The following PAX3 variants were observed in gnomAD, a reference collection of about 807,000 sequenced individuals.
PAX3 encodes paired box protein Pax-3.
In PAX3, 14 loss-of-function variants were observed where a neutral mutation model predicts 51.6. The observed-to-expected ratio is 0.27, with a 90% CI of 0.18 to 0.42. The LOEUF is 0.42. PAX3 is among the 10% of genes least tolerant of loss of function. The pLI, the probability that PAX3 is intolerant of heterozygous loss-of-function variation, is 1.00. For synonymous variants in PAX3, 280 were observed against 253.4 expected, an observed-to-expected ratio of 1.11 and a Z score of -1.00; for missense variants, 540 against 642.8, an observed-to-expected ratio of 0.84 and a Z score of 1.73.
intron 7 of PAX3, among the ~76,000 whole-genome samples, chr2:222,219,803 A>G (rs1392555991): frequency 7.9e-5 from 12 of 152,178 alleles, no homozygotes. Context: ...ACAAAAAAAC[A>G]AAACAAAAAA....
intron 4 of PAX3, among the ~76,000 whole-genome samples, chr2:222,257,221 C>T (rs1471159869): frequency 2.0e-5 from 3 of 147,160 alleles, no homozygotes; most frequent in Admixed American, 1.4e-4. Flanking sequence ...TTTTTTTTGA[C>T]CTTCAGATAA....
At chr2:222,248,509 C>T (rs1693310462) in intron 4 of PAX3, among the ~76,000 whole-genome samples, 1 of 152,232 alleles carries the variant, frequency 6.6e-6, no homozygotes, top group African/African-American at 2.4e-5. Flanking sequence ...CACACCGTGC[C>T]TTTCCTTGGT....
Position 222,232,085 on chromosome 2 carries a change from C to T in PAX3, c.785G>A (p.Arg262Gln), listed in dbSNP as rs1364517233. 6 of 1,613,662 alleles carry T rather than the reference C, an allele frequency of 3.7e-6. No homozygotes were observed. The African/African-American group carries it at 4.0e-5, about 11-fold the overall frequency. ...AGGTTTGGGCAACAGTACCTGTACTCGGGCCTCGGTGAGCTTCGCCCTCTG... is the reference window on the plus strand; with the variant it reads ...AGGTTTGGGCAACAGTACCTGTACTTGGGCCTCGGTGAGCTTCGCCCTCTG... ...LAQRAKLTEA[R>Q]VQVWFSNRRA... Residue 262 changes from arginine to glutamine, a missense_variant, in exon 5 of 9, where the codon CGA becomes CAA. By Grantham distance (43) the Arg-to-Gln change is conservative (BLOSUM62 1). Coordinates refer to ENST00000392070, the MANE Select transcript of PAX3 (RefSeq NM_181458.4).
chr2:222,255,782 CTTTT>C (rs71781283), intron 4 of PAX3, among the ~76,000 whole-genome samples: 3 of 136,530 alleles, frequency 2.2e-5, no homozygotes, highest in African/African-American at 2.7e-5. Context: ...CAATTATATT[CTTTT>C]TTTTTTTTTT....
At position 222,202,013 on chromosome 2, in the gene PAX3, G is replaced by A. The variant is rs1691311757; in HGVS notation, c.1351C>T (p.Pro451Ser). The change falls in exon 8 of 9, where the codon CCC becomes TCC. Residue 451 changes from proline to serine, a missense_variant. Coordinates refer to ENST00000392070, the MANE Select transcript of PAX3 (RefSeq NM_181458.4). ...CTGTAGCCTGTGGTGCTATAGGTGG[G>A]TGGACAGTAGGACTGAGATGTTGGC... is the stretch of plus-strand genomic sequence containing the variant. ...SLPTSQSYCP[P>S]TYSTTGYSMD... The A allele has an allele frequency of 6.2e-7, 1 of 1,614,042 alleles. No individual in the cohort carries two copies. Among genetic ancestry groups the A allele is most frequent in the African/African-American group, 1.3e-5 (1 of 75,034 alleles).
chr2:222,203,537 C>G (rs1691388308), intron 7 of PAX3, among the ~76,000 whole-genome samples: 1 of 152,020 alleles, frequency 6.6e-6, no homozygotes, highest in South Asian at 2.1e-4. Context: ...GACAACCAAG[C>G]CCTGACTATA....
At chr2:222,243,579 T>C (rs1471676636) in intron 4 of PAX3, among the ~76,000 whole-genome samples, 1 of 152,172 alleles carries the variant, frequency 6.6e-6, no homozygotes, top group Non-Finnish European at 1.5e-5. Flanking sequence ...AAATAGCCCA[T>C]CAAAGCTGAA....
chr2:222,207,692 C>G (rs1691564440), intron 7 of PAX3, among the ~76,000 whole-genome samples: 1 of 152,020 alleles, frequency 6.6e-6, no homozygotes, highest in Admixed American at 6.6e-5. Context: ...TTATTTTTAT[C>G]AATTATTTTG....
intron 4 of PAX3, among the ~76,000 whole-genome samples, chr2:222,291,697 C>G (rs1695044617): frequency 6.6e-6 from 1 of 152,154 alleles, no homozygotes; most frequent in African/African-American, 2.4e-5. Flanking sequence ...AGTTCCTCCT[C>G]CCTCAGCTTT....
At chr2:222,217,643 C>T (rs904138024) in intron 7 of PAX3, among the ~76,000 whole-genome samples, 2 of 151,802 alleles carry the variant, frequency 1.3e-5, no homozygotes, top group African/African-American at 4.8e-5. Flanking sequence ...TAACACTGTC[C>T]GTGTTATATG....
At chr2:222,271,975 T>C (rs1254477308) in intron 4 of PAX3, among the ~76,000 whole-genome samples, 1 of 152,200 alleles carries the variant, frequency 6.6e-6, no homozygotes, top group Non-Finnish European at 1.5e-5. Flanking sequence ...GAAAGCCTTG[T>C]CCAGATGCCT....
At chr2:222,254,410 C>A (rs1380429708) in intron 4 of PAX3, among the ~76,000 whole-genome samples, 2 of 152,036 alleles carry the variant, frequency 1.3e-5, no homozygotes, top group Non-Finnish European at 2.9e-5. Flanking sequence ...TTGTCCAGTG[C>A]ATCACACATA....
At chr2:222,297,343 C>T in intron 1 of PAX3, 130 bp from the exon 2 acceptor site, 1 of 731,286 alleles carries the variant, frequency 1.4e-6, no homozygotes, top group Non-Finnish European at 2.5e-6. Flanking sequence ...TGAAACTGCT[C>T]GACATCGGAC....
At chr2:222,282,979 T>A (rs570826326) in intron 4 of PAX3, among the ~76,000 whole-genome samples, 75 of 152,332 alleles carry the variant, frequency 4.9e-4, no homozygotes, top group African/African-American at 1.8e-3. Flanking sequence ...GCAAACACAC[T>A]CCTGCACCAT....
intron 4 of PAX3, among the ~76,000 whole-genome samples, chr2:222,238,210 C>T (rs531070897): frequency 6.6e-6 from 1 of 152,292 alleles, no homozygotes; most frequent in South Asian, 2.1e-4. Flanking sequence ...AAAAGTATTA[C>T]CACCAGCGGG....
intron 4 of PAX3, among the ~76,000 whole-genome samples, chr2:222,255,174 T>C (rs753772853): frequency 7.9e-5 from 12 of 152,218 alleles, no homozygotes; most frequent in Non-Finnish European, 1.5e-4. Flanking sequence ...CATTCATTTA[T>C]AGATTTCACT....
At chr2:222,256,266 CA>C (rs1693641244) in intron 4 of PAX3, among the ~76,000 whole-genome samples, 1 of 152,100 alleles carries the variant, frequency 6.6e-6, no homozygotes, top group African/African-American at 2.4e-5. Flanking sequence ...TCAGAATTTG[CA>C]GGAAGATTTT....
At position 222,214,283 on chromosome 2, in the gene PAX3, A is replaced by G. The variant is rs574654057; in HGVS notation, c.1173+5857T>C. ...CAAAAGGAACTGTGCTGAGCAATTGAAATCTAATTTGAAATGGAACCACGA... is the reference window on the plus strand; with the variant it reads ...CAAAAGGAACTGTGCTGAGCAATTGGAATCTAATTTGAAATGGAACCACGA... On this transcript the variant is annotated intron_variant, in intron 7 of 8. Coordinates refer to ENST00000392070, the MANE Select transcript of PAX3 (RefSeq NM_181458.4). The G allele has an allele frequency of 1.5e-3, 235 of 152,336 alleles. 2 individuals carry two copies. Among genetic ancestry groups the G allele is most frequent in the African/African-American group, 5.3e-3 (219 of 41,582 alleles). The allele number at this position is 152,336 out of a possible 1,614,324, so 9.4% of individuals were successfully genotyped here. A position where few individuals can be genotyped will look rare whatever the true frequency, so the allele number is the denominator to read the frequency against.
intron 7 of PAX3, among the ~76,000 whole-genome samples, chr2:222,203,710 C>T (rs1289453692): frequency 6.6e-6 from 1 of 152,024 alleles, no homozygotes; most frequent in Non-Finnish European, 1.5e-5. Context: ...AACAAGGATC[C>T]CATAATTCCC....
Sources: allele counts gnomAD v4.1 joint callset (sites outside exome capture counted in the v4.1 genomes callset), GRCh38; gene constraint gnomAD v4.1.1; transcripts MANE v1.5; gene names NCBI Gene and HGNC (gene_info 2026-07-23, HGNC 2026-07-21).